Variants in PLA2G4F observed in about 807,000 individuals in gnomAD.
PLA2G4F encodes phospholipase A2 group IVF.
A neutral mutation model predicts 103.1 loss-of-function variants in PLA2G4F; 105 were observed. The observed-to-expected ratio is 1.02, with a 90% CI of 0.87 to 1.20. PLA2G4F has a LOEUF of 1.20. PLA2G4F is among the 50% of genes most tolerant of loss of function. The pLI is 0.00. For synonymous variants in PLA2G4F, 468 were observed against 441.1 expected (o/e 1.06, Z -0.76); for missense variants, 1,155 against 1,075.9 (o/e 1.07, Z -1.03).
At position 42,155,559 on chromosome 15, in the gene PLA2G4F, C is replaced by T; in HGVS notation, c.142G>A (p.Val48Met). ...ATGTTTGTGGCCCTCAGCACCTTCA[C>T]CTGGAGGTCATAGTATGGGTAGGTT... The part of the protein sequence containing the change: ...RETYPYYDLQ[V>M]KVLRATNIRG... The change falls in exon 2 of 20, where the codon GTG (valine) becomes ATG (methionine). Residue 48 changes from valine to methionine, a missense_variant. Coordinates refer to ENST00000397272, the MANE Select transcript of PLA2G4F (RefSeq NM_213600.4). 8 of 1,614,144 alleles carry T rather than the reference C, an allele frequency of 5.0e-6. No homozygotes were observed. The highest frequency in any genetic ancestry group is 6.8e-6 in the Non-Finnish European group (8 of 1,179,974).
chr15:42,153,605 T>C lies in PLA2G4F; in HGVS notation c.491+15A>G. The C allele has an allele frequency of 6.2e-7, 1 of 1,614,120 alleles. No individual in the cohort carries two copies. Among genetic ancestry groups the C allele is most frequent in the African/African-American group, 1.3e-5 (1 of 75,060 alleles). On this transcript the variant is annotated intron_variant, in intron 5 of 19. Coordinates refer to ENST00000397272, the MANE Select transcript of PLA2G4F (RefSeq NM_213600.4). Reference sequence around the variant, plus strand: ...TCTCTGAGTCTCTGAGGGCGTTGGCTCTACCAGAACTCACCTCTTCTCCAG... The same window carrying C: ...TCTCTGAGTCTCTGAGGGCGTTGGCCCTACCAGAACTCACCTCTTCTCCAG...
Position 42,141,468 on chromosome 15 carries a change from C to A in PLA2G4F, c.*516G>T. ...GTCAGCAACATAGGCTGGCCATCCC[C>A]TCAGCCCCTCATTGTTCTTGATAGC... On this transcript the variant is annotated 3_prime_UTR_variant, in exon 20 of 20. Transcript: ENST00000397272. 1 of 440,392 alleles carries A rather than the reference C, an allele frequency of 2.3e-6. No individual in the cohort carries two copies. The highest frequency in any genetic ancestry group is 4.6e-6 in the Non-Finnish European group (1 of 218,262). 27.3% of individuals were successfully genotyped at this position (440,392 alleles called of 1,614,324 possible).
intron 17 of PLA2G4F, 60 bp downstream of exon 17, chr15:42,144,390 T>A: frequency 6.3e-7 from 1 of 1,579,160 alleles, no homozygotes; most frequent in Non-Finnish European, 8.7e-7. Flanking sequence ...CTGGCTCCAG[T>A]GAGCCAGAGG....
At chr15:42,145,504 T>C in intron 16 of PLA2G4F, 71 bp downstream of exon 16, 1 of 1,456,978 alleles carries the variant, frequency 6.9e-7, no homozygotes, top group Non-Finnish European at 9.6e-7. Flanking sequence ...CCCTCCCTCA[T>C]TCTTCTTGTC....
At chr15:42,149,681 C>A (rs756930551) in intron 11 of PLA2G4F, 32 bp downstream of exon 11, 1 of 1,613,138 alleles carries the variant, frequency 6.2e-7, no homozygotes, top group Non-Finnish European at 8.5e-7. Flanking sequence ...GTCCTAGAGG[C>A]TCTGGGGTCC....
chr15:42,151,664 G>C (rs2140813106), intron 7 of PLA2G4F: 1 of 984,510 alleles, frequency 1.0e-6, no homozygotes, highest in South Asian at 4.7e-5. Flanking sequence ...TGTGGGGAGG[G>C]AATTCAAGAA....
rs2048813922 is a variant in PLA2G4F, at chr15:42,139,865, G to T, written c.*2119C>A. ...CCCAAACCTTATCTGAGCACAAGTGGCATTGCCTACACTTCTGTGTGAGAA... is the reference window on the plus strand; with the variant it reads ...CCCAAACCTTATCTGAGCACAAGTGTCATTGCCTACACTTCTGTGTGAGAA... On this transcript the variant is annotated 3_prime_UTR_variant, in exon 20 of 20. Transcript: ENST00000397272. The T allele has an allele frequency of 6.6e-6, 1 of 152,406 alleles. No individual in the cohort carries two copies. The highest frequency in any genetic ancestry group is 1.5e-5 in the Non-Finnish European group (1 of 68,124). The allele number at this position is 152,406 out of a possible 1,614,324, so 9.4% of individuals were successfully genotyped here. A position where few individuals can be genotyped will look rare whatever the true frequency, so the allele number is the denominator to read the frequency against.
chr15:42,144,752 T>C, intron 16 of PLA2G4F, 108 bp from the exon 17 acceptor site: 1 of 1,112,192 alleles, frequency 9.0e-7, no homozygotes, highest in Non-Finnish European at 1.2e-6. Flanking sequence ...CCTCCCCACA[T>C]CCCTCCTCCT....
At chr15:42,155,405 C>T in intron 2 of PLA2G4F, 112 bp downstream of exon 2, 1 of 1,094,888 alleles carries the variant, frequency 9.1e-7, no homozygotes, top group Non-Finnish European at 1.4e-6. Flanking sequence ...CTCACTTGTA[C>T]TCACCCATGT....
At chr15:42,142,780 C>G in intron 18 of PLA2G4F, 66 bp from the exon 19 acceptor site, 2 of 1,519,250 alleles carry the variant, frequency 1.3e-6, no homozygotes, top group Non-Finnish European at 1.8e-6. Flanking sequence ...GCCCTGGACT[C>G]ACACACGCCC....
intron 1 of PLA2G4F, 89 bp downstream of exon 1, chr15:42,156,350 G>A (rs746298945): frequency 1.2e-4 from 133 of 1,084,108 alleles, no homozygotes; most frequent in Non-Finnish European, 1.6e-4. Context: ...TCAAAACCCA[G>A]GGCTGGGGCT....
intron 4 of PLA2G4F, among the ~76,000 whole-genome samples, 171 bp from the exon 5 acceptor site, chr15:42,153,831 C>T (rs536152073): frequency 1.3e-5 from 2 of 152,316 alleles, no homozygotes; most frequent in African/African-American, 4.8e-5. Context: ...CTCATTTATT[C>T]CAAAATATGT....
chr15:42,148,942 C>T (rs954743443), intron 11 of PLA2G4F: 1 of 985,278 alleles, frequency 1.0e-6, no homozygotes, highest in Non-Finnish European at 1.2e-6. Flanking sequence ...CCCCAATGAA[C>T]GATCTAGCCT....
In PLA2G4F at chr15:42,141,801, A is replaced by G. The variant is rs1489303729; in HGVS notation, c.*183T>C. On this transcript the variant is annotated 3_prime_UTR_variant, in exon 20 of 20. Coordinates refer to ENST00000397272, the MANE Select transcript of PLA2G4F (RefSeq NM_213600.4). ...ATCTTCTCCAAAAACACACAAGGAG[A>G]GCCCTGCCCCAGTCCAAGCTGCAAT... 6.3e-6 allele frequency: 4 copies of G among 638,486 alleles called. No homozygotes were observed. 39.6% of individuals were successfully genotyped at this position (638,486 alleles called of 1,614,324 possible).
At chr15:42,148,679 C>A in intron 11 of PLA2G4F, 1 of 985,370 alleles carries the variant, frequency 1.0e-6, no homozygotes, top group Non-Finnish European at 1.2e-6. Context: ...CCCCCAGGCA[C>A]CAAAGGTGCC....
chr15:42,154,253 G>C (rs780577615), intron 3 of PLA2G4F, 33 bp from the exon 4 acceptor site: 2 of 1,614,038 alleles, frequency 1.2e-6, no homozygotes, highest in Non-Finnish European at 1.7e-6. Context: ...GTCCGAGCAT[G>C]AGGTAGGACA....
intron 7 of PLA2G4F, 86 bp downstream of exon 7, chr15:42,152,602 T>C: frequency 1.4e-6 from 2 of 1,398,078 alleles, no homozygotes; most frequent in Non-Finnish European, 2.0e-6. Context: ...TTTAAGAACT[T>C]CCTGCCCCAG....
chr15:42,153,478 A>C, intron 5 of PLA2G4F, 136 bp from the exon 6 acceptor site: 7 of 1,464,336 alleles, frequency 4.8e-6, no homozygotes, highest in Non-Finnish European at 6.6e-6. Context: ...CTGCCGCCCA[A>C]CATGCAGATG....
rs1730139527 is a variant in PLA2G4F, at chr15:42,141,647, C to T, written c.*337G>A. The stretch of plus-strand genomic sequence containing the variant: ...TCTGTGTGGGTCTGAGGACTTGGGC[C>T]CTCTGAGGTCCTTCTGTGTCTGGGG... On this transcript the variant is annotated 3_prime_UTR_variant, in exon 20 of 20. Transcript: ENST00000397272. 1 of 493,250 alleles carries T rather than the reference C, an allele frequency of 2.0e-6. No individual in the cohort carries two copies. The highest frequency in any genetic ancestry group is 2.3e-5 in the Admixed American group (1 of 43,560). The allele number at this position is 493,250 out of a possible 1,614,324, so 30.6% of individuals were successfully genotyped here.
Sources: gnomAD v4.1 joint callset for allele counts (sites outside exome capture counted in the v4.1 genomes callset) on GRCh38, gnomAD v4.1.1 for gene constraint, MANE v1.5 for transcripts, NCBI Gene and HGNC (gene_info 2026-07-23, HGNC 2026-07-21) for gene names.